UBE2E2: variants seen among roughly 807,000 people sequenced by gnomAD.
UBE2E2 encodes ubiquitin conjugating enzyme E2 E2, also known as ubiquitin-conjugating enzyme E2 E2.
In UBE2E2, 6 loss-of-function variants were observed where a neutral mutation model predicts 24.7. The ratio of observed to expected loss-of-function variants is 0.24; its 90% confidence interval spans 0.13 to 0.48. The LOEUF is 0.48. UBE2E2 is among the 20% of genes least tolerant of loss of function. UBE2E2 has a pLI of 0.99. For synonymous variants in UBE2E2, 104 were observed against 83.6 expected, an observed-to-expected ratio of 1.24 and a Z score of -1.33; for missense variants, 169 against 245.0, an observed-to-expected ratio of 0.69 and a Z score of 2.07.
intron 4 of UBE2E2, among the ~76,000 whole-genome samples, chr3:23,524,241 A>C (rs556731601): frequency 5.3e-5 from 8 of 152,208 alleles, no homozygotes; most frequent in African/African-American, 1.9e-4. Flanking sequence ...TTTTATATTT[A>C]TGCCTTTCAT....
At chr3:23,380,452 T>G (rs922036207) in intron 3 of UBE2E2, among the ~76,000 whole-genome samples, 27 of 152,154 alleles carry the variant, frequency 1.8e-4, no homozygotes, top group African/African-American at 5.3e-4. Context: ...TCTTGAACTC[T>G]TTGCCTCAAG....
At chr3:23,395,635 CT>C (rs1697055954) in intron 3 of UBE2E2, among the ~76,000 whole-genome samples, 1 of 152,210 alleles carries the variant, frequency 6.6e-6, no homozygotes, top group Admixed American at 6.5e-5. Context: ...AGTCATACCT[CT>C]TTTTTTATTG....
chr3:23,542,557 G>A (rs1014911289), intron 5 of UBE2E2, among the ~76,000 whole-genome samples: 2 of 152,288 alleles, frequency 1.3e-5, no homozygotes, highest in East Asian at 3.9e-4. Context: ...AGTATTCATG[G>A]TGGAGAGAGA....
intron 3 of UBE2E2, among the ~76,000 whole-genome samples, chr3:23,256,451 C>T (rs1458303160): frequency 6.7e-6 from 1 of 148,664 alleles, no homozygotes; most frequent in South Asian, 2.2e-4. Flanking sequence ...TAAACTAAAA[C>T]TTTTGCATTG....
intron 4 of UBE2E2, among the ~76,000 whole-genome samples, chr3:23,515,810 A>G (rs577409398): frequency 5.7e-4 from 86 of 151,662 alleles, no homozygotes; most frequent in African/African-American, 2.0e-3. Context: ...AAAAAAAAAA[A>G]AAAGAAAAGA....
intron 3 of UBE2E2, among the ~76,000 whole-genome samples, chr3:23,241,436 C>G (rs1207332748): frequency 6.6e-6 from 1 of 152,140 alleles, no homozygotes; most frequent in Non-Finnish European, 1.5e-5. Flanking sequence ...ATTACAATGG[C>G]CTTTGAGAGT....
chr3:23,562,293 T>C (rs939068613), intron 5 of UBE2E2, among the ~76,000 whole-genome samples: 60 of 152,194 alleles, frequency 3.9e-4, no homozygotes, highest in African/African-American at 1.4e-3. Flanking sequence ...TGTTGAATTT[T>C]GTCAAAGGCC....
In UBE2E2 at chr3:23,338,424, G is replaced by A. The variant is rs146688620; in HGVS notation, c.227+121112G>A. On this transcript the variant is annotated intron_variant, in intron 3 of 5. Transcript: ENST00000396703. The stretch of plus-strand genomic sequence containing the variant: ...TATGAATGAATGGAGATAAAGAGAA[G>A]GTTGCATATATGTGTATGTGTACAT... Among the ~76,000 whole-genome samples the A allele has an allele frequency of 5.3e-3, 800 of 152,154 alleles. 23 individuals are homozygous for A. Among genetic ancestry groups the A allele is most frequent in the Admixed American group, 0.045 (679 of 15,234 alleles).
chr3:23,222,879 C>G (rs146924902), intron 3 of UBE2E2, among the ~76,000 whole-genome samples: 20 of 152,126 alleles, frequency 1.3e-4, no homozygotes, highest in Non-Finnish European at 2.2e-4. Flanking sequence ...TGCCAGCATC[C>G]GCTATTGCCG....
intron 3 of UBE2E2, among the ~76,000 whole-genome samples, chr3:23,267,089 A>G (rs1698070133): frequency 6.6e-6 from 1 of 152,214 alleles, no homozygotes; most frequent in African/African-American, 2.4e-5. Context: ...CTAAATGCCC[A>G]CAAGAGAAAG....
chr3:23,482,244 A>G (rs1379487199), intron 3 of UBE2E2, among the ~76,000 whole-genome samples: 1 of 152,226 alleles, frequency 6.6e-6, no homozygotes, highest in Non-Finnish European at 1.5e-5. Context: ...GACTCTTAAG[A>G]GGGTGCCCTC....
intron 5 of UBE2E2, among the ~76,000 whole-genome samples, chr3:23,535,225 C>G (rs983682829): frequency 6.6e-6 from 1 of 152,144 alleles, no homozygotes; most frequent in Non-Finnish European, 1.5e-5. Flanking sequence ...CTGGATTCCT[C>G]TGAGGTTAAA....
Position 23,526,807 on chromosome 3 carries a change from C to G in UBE2E2, c.361-5747C>G, listed in dbSNP as rs578219588. On this transcript the variant is annotated intron_variant, in intron 4 of 5. Coordinates refer to ENST00000396703, the MANE Select transcript of UBE2E2 (RefSeq NM_152653.4). Reference sequence around the variant, plus strand: ...GAACACCTGTCAGAATAGAAGTTGACAAACATCATCATCAAAGTAGATCCT... The same window carrying G: ...GAACACCTGTCAGAATAGAAGTTGAGAAACATCATCATCAAAGTAGATCCT... 2.0e-5 allele frequency among the ~76,000 whole-genome samples: 3 copies of G among 152,266 alleles called. 1 individual carries two copies. In the South Asian group the frequency reaches 6.2e-4, roughly 32 times the overall value.
chr3:23,435,129 A>G (rs973543619), intron 3 of UBE2E2, among the ~76,000 whole-genome samples: 4 of 152,200 alleles, frequency 2.6e-5, no homozygotes, highest in Non-Finnish European at 5.9e-5. Flanking sequence ...CCTGTTATTT[A>G]TGTCCCCACC....
At chr3:23,506,596 C>A (rs1694462983) in intron 4 of UBE2E2, among the ~76,000 whole-genome samples, 1 of 152,164 alleles carries the variant, frequency 6.6e-6, no homozygotes, top group South Asian at 2.1e-4. Context: ...TTGTGGAAAT[C>A]TCCTATGTGG....
intron 5 of UBE2E2, among the ~76,000 whole-genome samples, chr3:23,571,752 G>A (rs1171677131): frequency 6.6e-6 from 1 of 152,084 alleles, no homozygotes; most frequent in Non-Finnish European, 1.5e-5. Flanking sequence ...TAACACTCAA[G>A]AGTCTCCTTG....
chr3:23,474,726 A>G lies in UBE2E2; in HGVS notation c.228-24882A>G, dbSNP rs184052995. On this transcript the variant is annotated intron_variant, in intron 3 of 5. Transcript: ENST00000396703. This position sits in a 1 kb window ranked among gnomAD's most constrained non-coding sequence, Gnocchi z 4.0. ...CCAATTACAGTCTTACACAGTCTTC[A>G]TCTTCCTCCCCTTTCCTCCTTCCTT... Among the ~76,000 whole-genome samples the G allele has an allele frequency of 7.9e-5, 12 of 152,154 alleles. 1 individual carries two copies. Among genetic ancestry groups the G allele is most frequent in the Admixed American group, 5.9e-4 (9 of 15,290 alleles).
intron 3 of UBE2E2, among the ~76,000 whole-genome samples, chr3:23,496,038 A>G (rs1699591354): frequency 6.6e-6 from 1 of 152,170 alleles, no homozygotes; most frequent in Admixed American, 6.5e-5. Flanking sequence ...TCTCATAACC[A>G]CTATCATGAA....
intron 3 of UBE2E2, among the ~76,000 whole-genome samples, chr3:23,470,823 T>TA (rs1043671373): frequency 9.2e-4 from 22 of 23,954 alleles, no homozygotes; most frequent in East Asian, 5.7e-3. Flanking sequence ...AATATATATA[T>TA]TTTTTTTTGC....
Sources: gnomAD v4.1 joint callset for allele counts (sites outside exome capture counted in the v4.1 genomes callset) on GRCh38, gnomAD v4.1.1 for gene constraint, Gnocchi (gnomAD v3.1) non-coding constraint, MANE v1.5 for transcripts, NCBI Gene and HGNC (gene_info 2026-07-23, HGNC 2026-07-21) for gene names.